ATG2B: variants seen among roughly 807,000 people sequenced by gnomAD.
ATG2B encodes the protein autophagy related 2B.
ATG2B carries 121 observed loss-of-function variants against 241.3 expected under a neutral mutation model. The ratio of observed to expected loss-of-function variants is 0.50; its 90% confidence interval spans 0.43 to 0.58. The LOEUF (loss-of-function observed/expected upper bound fraction) is 0.58. Ranked by LOEUF, ATG2B falls within the 20% of genes least tolerant of loss-of-function variation. The pLI is 0.00. For synonymous variants in ATG2B, 858 were observed against 876.6 expected (o/e 0.98, Z 0.37); for missense variants, 2,306 against 2,491.6 (o/e 0.93, Z 1.59).
intron 18 of ATG2B, among the ~76,000 whole-genome samples, chr14:96,321,552 TACAGAGGC>T (rs1595310490): frequency 6.6e-6 from 1 of 152,166 alleles, no homozygotes; most frequent in African/African-American, 2.4e-5. Context: ...TGCTGAGTCT[TACAGAGGC>T]TAGATAAACT....
rs367662140 is a variant in ATG2B at position 96,347,197 on chromosome 14, G to C, written c.307C>G (p.Arg103Gly). 1.3e-6 allele frequency: 2 copies of C among 1,594,372 alleles called. No homozygotes were observed. Among genetic ancestry groups the C allele is most frequent in the Non-Finnish European group, 1.7e-6 (2 of 1,164,832 alleles). The change falls in exon 2 of 42, where the codon CGG (arginine) becomes GGG (glycine). Residue 103 changes from arginine to glycine, a missense_variant. Transcript: ENST00000359933. ...CACCAACCTGGGCGAGGTCTAGGCC[G>C]GAAGACCATTTCTAATCCTCTCACT... ...LEVRGLEMVF[R>G]PRPRPATGSE...
intron 1 of ATG2B, among the ~76,000 whole-genome samples, chr14:96,359,263 T>G (rs1045839765): frequency 1.3e-5 from 2 of 151,828 alleles, no homozygotes; most frequent in African/African-American, 4.8e-5. Flanking sequence ...TCCCAGCTAC[T>G]GCAGGGAGGG....
In ATG2B at chr14:96,333,086, G is replaced by A. The variant is rs560637585; in HGVS notation, c.1208-431C>T. Among the ~76,000 whole-genome samples the A allele has an allele frequency of 1.2e-3, 178 of 151,944 alleles. 2 individuals are homozygous for A. The highest frequency in any genetic ancestry group is 4.2e-3 in the African/African-American group (174 of 41,476). On this transcript the variant is annotated intron_variant, in intron 8 of 41. Transcript: ENST00000359933. ...CATTTACATTTCAGTTCCTTCTTTC[G>A]GAATTGTTTTACTCTCATGCAAATG...
In ATG2B at chr14:96,309,365, A is replaced by G. The variant is rs924863233; in HGVS notation, c.4303+88T>C. The G allele has an allele frequency of 5.4e-6, 8 of 1,478,312 alleles. No individual in the cohort carries two copies. In the East Asian group the frequency reaches 6.9e-5, roughly 13 times the overall value. The allele number at this position is 1,478,312 out of a possible 1,614,324, so 91.6% of individuals were successfully genotyped here. On this transcript the variant is annotated intron_variant, in intron 29 of 41. Transcript: ENST00000359933. ...CCATAAAAACTCATATGCGTCTTTA[A>G]TAAGTGACTTATTAAATTTACGAGA...
At chr14:96,304,353 T>G in intron 32 of ATG2B, 142 bp downstream of exon 32, 1 of 529,382 alleles carries the variant, frequency 1.9e-6, no homozygotes, top group Non-Finnish European at 3.4e-6. Flanking sequence ...GAAAAAGAGG[T>G]AAGAGTTTTA....
chr14:96,300,323 C>T (rs1389340332), intron 34 of ATG2B, among the ~76,000 whole-genome samples: 2 of 152,032 alleles, frequency 1.3e-5, no homozygotes, highest in African/African-American at 4.8e-5. Context: ...AGTTCAAGAC[C>T]AGTCTGGGCA....
chr14:96,306,747 A>G lies in ATG2B; in HGVS notation c.4473T>C (p.Phe1491=). 6.2e-7 allele frequency: 1 copy of G among 1,614,096 alleles called. No individual in the cohort carries two copies. Among genetic ancestry groups the G allele is most frequent in the South Asian group, 1.1e-5 (1 of 91,054 alleles). Residue 1491 remains phenylalanine, a synonymous_variant, in exon 30 of 42, where the codon TTT becomes TTC. Coordinates refer to ENST00000359933, the MANE Select transcript of ATG2B (RefSeq NM_018036.7). ...CTGCTTTTGGTGCAAAAAGAATGCA[A>G]AAGTCATCATTCTCAGTGGGCACAC... ...MTGVPTENDD[F]CILFAPKAAM...
intron 24 of ATG2B, 39 bp from the exon 25 acceptor site, chr14:96,313,196 C>G (rs569621992): frequency 4.4e-5 from 65 of 1,472,366 alleles, no homozygotes; most frequent in Non-Finnish European, 6.0e-5. Flanking sequence ...CAGTTTGATA[C>G]GGCTCCAGAA....
rs1421438488 is a variant in ATG2B at position 96,332,317 on chromosome 14, A to G, written c.1456T>C (p.Leu486=). ...FPSNLVHPTP[L]QKTSLPSRSV... is the part of the protein sequence containing the mutation. ...TATTTTTACTTACATGTCTTCTGTA[A>G]AGGTGTTGGGTGAACTAGGTTGGAT... The change falls in exon 10 of 42, where the codon TTA becomes CTA. Residue 486 remains leucine (L), a synonymous_variant. Coordinates refer to ENST00000359933, the MANE Select transcript of ATG2B (RefSeq NM_018036.7). 6.2e-7 allele frequency: 1 copy of G among 1,612,640 alleles called. No homozygotes were observed. Among genetic ancestry groups the G allele is most frequent in the East Asian group, 2.2e-5 (1 of 44,844 alleles).
At chr14:96,362,784 C>A (rs1297148010) in intron 1 of ATG2B, 31 bp downstream of exon 1, 1 of 1,582,350 alleles carries the variant, frequency 6.3e-7, no homozygotes, top group East Asian at 2.3e-5. Flanking sequence ...GGGGAGCGAG[C>A]CCCGCCCGGC....
At chr14:96,320,357 G>T (rs1887427945) in intron 18 of ATG2B, among the ~76,000 whole-genome samples, 1 of 151,536 alleles carries the variant, frequency 6.6e-6, no homozygotes, top group African/African-American at 2.4e-5. Context: ...TGCAGACTGG[G>T]GTAAAAAAAA....
intron 25 of ATG2B, 113 bp downstream of exon 25, chr14:96,312,952 A>C (rs866772338): frequency 3.7e-5 from 22 of 595,682 alleles, no homozygotes; most frequent in Middle Eastern, 2.7e-4. Context: ...TATAACTATT[A>C]GTAAAAGAAC....
chr14:96,308,268 A>ATATATATATG (rs1555365535), intron 29 of ATG2B, among the ~76,000 whole-genome samples: 192 of 15,338 alleles, frequency 0.013, 6 homozygotes, highest in Non-Finnish European at 0.018. Context: ...ATATATATAT[A>ATATATATATG]TATATATATA....
At chr14:96,291,164 T>C (rs969075927) in intron 38 of ATG2B, among the ~76,000 whole-genome samples, 6 of 152,068 alleles carry the variant, frequency 3.9e-5, no homozygotes, top group Non-Finnish European at 5.9e-5. Context: ...CACACACACA[T>C]ATATATAAAA....
At chr14:96,346,035 T>A (rs1456105595) in intron 2 of ATG2B, among the ~76,000 whole-genome samples, 1 of 152,182 alleles carries the variant, frequency 6.6e-6, no homozygotes, top group African/African-American at 2.4e-5. Flanking sequence ...AACTATTGAA[T>A]GTCAACAGAA....
intron 1 of ATG2B, among the ~76,000 whole-genome samples, chr14:96,353,318 A>G (rs1888382590): frequency 6.6e-6 from 1 of 152,222 alleles, no homozygotes; most frequent in African/African-American, 2.4e-5. Flanking sequence ...GCAACCACTA[A>G]GAAACAATTT....
chr14:96,352,914 T>C (rs965183293), intron 1 of ATG2B, among the ~76,000 whole-genome samples: 2 of 152,208 alleles, frequency 1.3e-5, no homozygotes, highest in Non-Finnish European at 2.9e-5. Flanking sequence ...GCCTTCACAT[T>C]CACTCACTGA....
rs775624055 is a variant in ATG2B, at chr14:96,329,594, G to C, written c.1771C>G (p.Gln591Glu). 1.2e-6 allele frequency: 2 copies of C among 1,609,138 alleles called. No homozygotes were observed. Among genetic ancestry groups the C allele is most frequent in the South Asian group, 1.1e-5 (1 of 90,908 alleles). ...TGIKVSYEQR[Q>E]RSASRYFSTD... ...CTAAAATATCGGGAAGCTGATCTTT[G>C]TCTTTGTTCATAGGATACTTTAATG... is the stretch of plus-strand genomic sequence containing the variant. Residue 591 changes from glutamine (Q) to glutamate (E), a missense_variant, in exon 12 of 42, where the codon CAA becomes GAA. This residue lies in a region of ATG2B where 1,927 missense variants were observed against 2,011.2 expected (regional missense o/e 0.96). Coordinates refer to ENST00000359933, the MANE Select transcript of ATG2B (RefSeq NM_018036.7).
intron 4 of ATG2B, among the ~76,000 whole-genome samples, chr14:96,343,963 G>A (rs777049057): frequency 2.0e-5 from 3 of 152,196 alleles, no homozygotes; most frequent in Non-Finnish European, 4.4e-5. Context: ...ATCCATGTAC[G>A]AAGTGTCTCT....
Sources: allele counts gnomAD v4.1 joint callset (sites outside exome capture counted in the v4.1 genomes callset), GRCh38; gene constraint gnomAD v4.1.1; regional missense constraint gnomAD v4.1.1; transcripts MANE v1.5; gene names NCBI Gene and HGNC (gene_info 2026-07-23, HGNC 2026-07-21).